CHL1: variants seen among roughly 807,000 people sequenced by gnomAD.
CHL1 encodes the protein neural cell adhesion molecule L1-like protein.
Under a neutral mutation model 141.9 loss-of-function variants are expected in CHL1, and 96 were observed. The observed-to-expected ratio is 0.68, with a 90% CI of 0.57 to 0.80. The LOEUF is 0.80. Ranked by LOEUF, CHL1 falls within the 30% of genes least tolerant of loss-of-function variation. The probability of loss-of-function intolerance (pLI) is 0.00; values close to 1 mark genes in which losing one functional copy is unlikely to be tolerated. For synonymous variants in CHL1, 613 were observed against 502.2 expected, an observed-to-expected ratio of 1.22 and a Z score of -2.95; for missense variants, 1,820 against 1,457.2, an observed-to-expected ratio of 1.25 and a Z score of -4.05.
At chr3:365,898 A>G in intron 14 of CHL1, 52 bp from the exon 15 acceptor site, 2 of 1,491,984 alleles carry the variant, frequency 1.3e-6, no homozygotes, top group South Asian at 2.4e-5. Flanking sequence ...GCACTTAATA[A>G]CAAAGTAAGT....
chr3:233,755 T>C (rs1214565067), intron 1 of CHL1, among the ~76,000 whole-genome samples: 1 of 152,126 alleles, frequency 6.6e-6, no homozygotes, highest in Non-Finnish European at 1.5e-5. Flanking sequence ...AAACACAACT[T>C]TTTAAAATTA....
intron 27 of CHL1, among the ~76,000 whole-genome samples, chr3:401,903 G>A (rs767430768): frequency 1.2e-4 from 18 of 152,274 alleles, no homozygotes; most frequent in African/African-American, 1.9e-4. Flanking sequence ...AATAATTACC[G>A]TCTAGGCAGA....
intron 8 of CHL1, among the ~76,000 whole-genome samples, chr3:343,907 G>A (rs1702550118): frequency 6.6e-6 from 1 of 152,150 alleles, no homozygotes. Flanking sequence ...TAAACACGAA[G>A]TATAGAAGAC....
At chr3:222,505 G>C (rs931032747) in intron 1 of CHL1, among the ~76,000 whole-genome samples, 6 of 152,176 alleles carry the variant, frequency 3.9e-5, no homozygotes, top group Non-Finnish European at 8.8e-5. Context: ...CCTTTCAGAA[G>C]AGCGGGGGTA....
chr3:402,462 T>C (rs926796709), intron 27 of CHL1, among the ~76,000 whole-genome samples: 1 of 152,210 alleles, frequency 6.6e-6, no homozygotes, highest in Non-Finnish European at 1.5e-5. Flanking sequence ...TCTTTTTTGT[T>C]GTAATGTCAT....
At chr3:321,274 T>A (rs532833673) in intron 3 of CHL1, among the ~76,000 whole-genome samples, 2 of 152,192 alleles carry the variant, frequency 1.3e-5, no homozygotes, top group South Asian at 4.1e-4. Context: ...GACATTTCCA[T>A]TTCTTAAGAA....
rs146343915 is a variant in CHL1 at position 343,612 on chromosome 3, G to A, written c.727+581G>A. ...TGCCTGAGTAAATCTGAGTTGTATA[G>A]CAGGCTAGTTCTCTATAATGAGAAG... is the stretch of plus-strand genomic sequence containing the variant. On this transcript the variant is annotated intron_variant, in intron 8 of 27. Transcript: ENST00000256509. Among the ~76,000 whole-genome samples the A allele has an allele frequency of 4.8e-3, 728 of 152,288 alleles. 1 individual carries two copies. Among genetic ancestry groups the A allele is most frequent in the African/African-American group, 0.017 (698 of 41,564 alleles).
Position 382,207 on chromosome 3 carries a change from C to T in CHL1, c.1905C>T (p.His635=). The T allele has an allele frequency of 4.3e-6, 7 of 1,613,642 alleles. No homozygotes were observed. Among genetic ancestry groups the T allele is most frequent in the Non-Finnish European group, 5.9e-6 (7 of 1,179,698 alleles). ...LDVPDPPENL[H]LSERQNRSVR... ...TTCCGGATCCACCAGAAAACCTTCACTTGTCTGAAAGACAGAACAGGAGTG... is the reference window on the plus strand; with the variant it reads ...TTCCGGATCCACCAGAAAACCTTCATTTGTCTGAAAGACAGAACAGGAGTG... Residue 635 remains histidine, a synonymous_variant, in exon 17 of 28, where the codon CAC becomes CAT. Coordinates refer to ENST00000256509, the MANE Select transcript of CHL1 (RefSeq NM_006614.4).
chr3:358,071 T>A (rs2125244205), intron 11 of CHL1, among the ~76,000 whole-genome samples: 1 of 152,318 alleles, frequency 6.6e-6, no homozygotes, highest in East Asian at 1.9e-4. Flanking sequence ...AACATTGCTG[T>A]AACAAATTAA....
intron 2 of CHL1, among the ~76,000 whole-genome samples, chr3:313,236 T>G (rs950496791): frequency 5.6e-4 from 85 of 152,216 alleles, no homozygotes; most frequent in African/African-American, 1.8e-3. Context: ...TGCTGTGTTA[T>G]ATTTTCTTCT....
chr3:403,197 A>G (rs1204624454), intron 27 of CHL1, among the ~76,000 whole-genome samples: 2 of 151,714 alleles, frequency 1.3e-5, no homozygotes, highest in East Asian at 1.9e-4. Flanking sequence ...AGATATCTCC[A>G]TGGGGCCATT....
At chr3:266,703 A>G (rs960985828) in intron 2 of CHL1, among the ~76,000 whole-genome samples, 8 of 152,208 alleles carry the variant, frequency 5.3e-5, no homozygotes, top group Non-Finnish European at 1.2e-4. Context: ...GCAAGAGCAA[A>G]TGGCATTGTC....
chr3:326,605 T>C (rs1001935558), intron 4 of CHL1, among the ~76,000 whole-genome samples: 1 of 151,900 alleles, frequency 6.6e-6, no homozygotes, highest in Admixed American at 6.6e-5. Context: ...TAAATAATTG[T>C]TATTCTAGGT....
At position 366,000 on chromosome 3, in the gene CHL1, C is replaced by G. The variant is rs752857119; in HGVS notation, c.1636C>G (p.His546Asp). The G allele has an allele frequency of 6.2e-7, 1 of 1,613,440 alleles. No individual in the cohort carries two copies. Among genetic ancestry groups the G allele is most frequent in the Non-Finnish European group, 8.5e-7 (1 of 1,179,474 alleles). ...SPKNPRIPKL[H>D]MLELHCESKC... is the part of the protein sequence containing the mutation. ...TAAGAATCCTCGTATCCCCAAATTG[C>G]ATATGCTTGAATTACATTGTGAAAG... The change falls in exon 15 of 28, where the codon CAT becomes GAT. Residue 546 changes from histidine to aspartate, a missense_variant. By Grantham distance (81) the His-to-Asp change is moderately conservative (BLOSUM62 -1). Transcript: ENST00000256509.
chr3:307,241 T>C (rs1175813050), intron 2 of CHL1, among the ~76,000 whole-genome samples: 2 of 152,224 alleles, frequency 1.3e-5, no homozygotes, highest in African/African-American at 2.4e-5. Context: ...GATGAAATTG[T>C]CCAGACAAAC....
chr3:267,456 T>A (rs545694048), intron 2 of CHL1, among the ~76,000 whole-genome samples: 1 of 152,346 alleles, frequency 6.6e-6, no homozygotes, highest in East Asian at 1.9e-4. Flanking sequence ...AATACTGCAT[T>A]CACTTCCTTT....
chr3:296,511 G>A (rs747125689), intron 2 of CHL1, among the ~76,000 whole-genome samples: 12 of 151,748 alleles, frequency 7.9e-5, no homozygotes, highest in South Asian at 2.1e-4. Context: ...CACGGTCGTC[G>A]GCACTTTCTA....
intron 10 of CHL1, among the ~76,000 whole-genome samples, chr3:351,019 G>C (rs769274068): frequency 6.6e-6 from 1 of 152,032 alleles, no homozygotes; most frequent in South Asian, 2.1e-4. Flanking sequence ...ACACACCCAC[G>C]AACCAGACAT....
chr3:312,221 G>A (rs1699810129), intron 2 of CHL1, among the ~76,000 whole-genome samples: 1 of 152,126 alleles, frequency 6.6e-6, no homozygotes, highest in African/African-American at 2.4e-5. Flanking sequence ...AAATCAATTT[G>A]CTTATAATAA....
Sources: gnomAD v4.1 joint callset for allele counts (sites outside exome capture counted in the v4.1 genomes callset) on GRCh38, gnomAD v4.1.1 for gene constraint, MANE v1.5 for transcripts, NCBI Gene and HGNC (gene_info 2026-07-23, HGNC 2026-07-21) for gene names.